DIAPH2: variants seen among roughly 807,000 people sequenced by gnomAD.
DIAPH2 encodes diaphanous related formin 2, also known as protein diaphanous homolog 2.
In DIAPH2, 35 loss-of-function variants were observed where a neutral mutation model predicts 92.7. The ratio of observed to expected loss-of-function variants is 0.38; its 90% CI spans 0.29 to 0.50. The LOEUF is 0.50. Among genes scored for constraint, DIAPH2 ranks in the 20% least tolerant of loss-of-function variants. The pLI is 0.94. For missense variants in DIAPH2, 701 were observed against 819.5 expected (o/e 0.86, Z 1.77); for synonymous variants, 301 against 280.4 (o/e 1.07, Z -0.73).
rs1460315041 is a variant in DIAPH2, at chrX:97,601,854, C to CA, written c.*2538dup. 3.6e-5 allele frequency: 4 copies of CA among 112,374 alleles called. No individual in the cohort carries two copies. In the Admixed American group the frequency reaches 3.8e-4, roughly 11 times the overall value. The allele number at this position is 112,374 out of a possible 1,213,427, so 9.3% of individuals were successfully genotyped here. The stretch of plus-strand genomic sequence containing the variant: ...AAGGGCAGCAAAGCCATGCTCCCTC[C>CA]AGAGGCTCTAGAGGAGAATCTTTCC... On this transcript the variant is annotated 3_prime_UTR_variant, in exon 27 of 27. Transcript: ENST00000324765.
At chrX:97,286,472 G>A (rs997827884) in intron 23 of DIAPH2, among the ~76,000 whole-genome samples, 1 of 111,437 alleles carries the variant, frequency 9.0e-6, no homozygotes. Flanking sequence ...AATGCTAGAG[G>A]GGGCAAGGTA....
intron 26 of DIAPH2, among the ~76,000 whole-genome samples, chrX:97,505,128 A>T (rs1364980895): frequency 8.9e-6 from 1 of 112,254 alleles, no homozygotes; most frequent in African/African-American, 3.2e-5. Flanking sequence ...AAAATTCTCA[A>T]TACTTTGCAA....
At chrX:97,331,942 A>T (rs192084257) in intron 23 of DIAPH2, among the ~76,000 whole-genome samples, 64 of 111,505 alleles carry the variant, frequency 5.7e-4, no homozygotes, top group African/African-American at 2.0e-3. Context: ...TTTCAATGTC[A>T]TTATTTTATT....
chrX:97,358,999 G>A (rs1464365482), intron 24 of DIAPH2, among the ~76,000 whole-genome samples: 4 of 112,102 alleles, frequency 3.6e-5, no homozygotes, highest in African/African-American at 1.3e-4. Flanking sequence ...TCAGTGTATA[G>A]TGCCGTTGGT....
At chrX:97,468,155 C>G (rs777766227) in intron 26 of DIAPH2, among the ~76,000 whole-genome samples, 1 of 112,000 alleles carries the variant, frequency 8.9e-6, no homozygotes, top group African/African-American at 3.2e-5. Flanking sequence ...ATCATATCGT[C>G]CATACAAGAG....
intron 25 of DIAPH2, among the ~76,000 whole-genome samples, chrX:97,388,754 C>A (rs1288756373): frequency 9.0e-6 from 1 of 111,291 alleles, no homozygotes; most frequent in Non-Finnish European, 1.9e-5. Context: ...AGAGTTGAAA[C>A]TGAGATAATT....
intron 24 of DIAPH2, among the ~76,000 whole-genome samples, chrX:97,351,692 A>G (rs1327562996): frequency 9.0e-6 from 1 of 110,563 alleles, no homozygotes; most frequent in Non-Finnish European, 1.9e-5. Context: ...AGTCCCAGCT[A>G]CTCGGGAGGC....
intron 4 of DIAPH2, among the ~76,000 whole-genome samples, chrX:96,848,568 G>A (rs999901018): frequency 1.3e-4 from 14 of 111,034 alleles, no homozygotes; most frequent in Admixed American, 1.1e-3. Flanking sequence ...TTTCCAAGTC[G>A]TTATTTCTAC....
At chrX:97,407,399 A>G (rs955755922) in intron 25 of DIAPH2, among the ~76,000 whole-genome samples, 4 of 108,945 alleles carry the variant, frequency 3.7e-5, no homozygotes, top group Admixed American at 2.0e-4. Flanking sequence ...CACATAGAGG[A>G]AAAAAAAAAC....
intron 26 of DIAPH2, among the ~76,000 whole-genome samples, chrX:97,515,837 A>G (rs2070942650): frequency 9.0e-6 from 1 of 111,332 alleles, no homozygotes; most frequent in Admixed American, 9.5e-5. Context: ...CCAAGGTGAC[A>G]TACTGTTGGT....
intron 1 of DIAPH2, among the ~76,000 whole-genome samples, chrX:96,713,374 A>G (rs2063930682): frequency 9.1e-6 from 1 of 109,996 alleles, no homozygotes; most frequent in Non-Finnish European, 1.9e-5. Flanking sequence ...TGCACAGCAA[A>G]ATCAAGCAGA....
intron 24 of DIAPH2, among the ~76,000 whole-genome samples, chrX:97,383,559 T>G (rs1242275850): frequency 9.3e-6 from 1 of 108,018 alleles, no homozygotes; most frequent in Non-Finnish European, 1.9e-5. Flanking sequence ...TAAAGTATAC[T>G]TATTGTTAAA....
intron 26 of DIAPH2, among the ~76,000 whole-genome samples, chrX:97,456,111 G>A (rs1438199709): frequency 2.7e-5 from 3 of 112,439 alleles, no homozygotes; most frequent in African/African-American, 9.7e-5. Flanking sequence ...CCTCAGGCCG[G>A]GCGCGGTGGC....
chrX:97,389,504 G>C (rs867826126), intron 25 of DIAPH2, among the ~76,000 whole-genome samples: 5 of 103,417 alleles, frequency 4.8e-5, no homozygotes, highest in Non-Finnish European at 9.8e-5. Context: ...ATCCAGTTTT[G>C]TTCTGAGAAT....
intron 26 of DIAPH2, among the ~76,000 whole-genome samples, chrX:97,512,106 C>G (rs2070899423): frequency 1.8e-5 from 2 of 112,784 alleles, no homozygotes; most frequent in East Asian, 2.7e-4. Flanking sequence ...CCTTGTACCT[C>G]TGGTAGAATT....
chrX:97,017,838 T>G (rs2066271046), intron 17 of DIAPH2, among the ~76,000 whole-genome samples: 1 of 111,791 alleles, frequency 8.9e-6, no homozygotes, highest in African/African-American at 3.2e-5. Context: ...CCAAATAAAC[T>G]TAATAGAAGG....
chrX:96,917,071 A>G (rs2065509306), intron 8 of DIAPH2, among the ~76,000 whole-genome samples: 1 of 111,816 alleles, frequency 8.9e-6, no homozygotes, highest in African/African-American at 3.2e-5. Flanking sequence ...TTCAAAGTGT[A>G]TATGTGCCAC....
intron 16 of DIAPH2, among the ~76,000 whole-genome samples, chrX:96,958,415 T>G (rs1029108212): frequency 8.9e-6 from 1 of 112,145 alleles, no homozygotes; most frequent in African/African-American, 3.2e-5. Context: ...CAATTTTGAT[T>G]CTTTTAACAT....
chrX:97,516,054 T>A (rs1361136524), intron 26 of DIAPH2, among the ~76,000 whole-genome samples: 1 of 110,001 alleles, frequency 9.1e-6, no homozygotes, highest in Non-Finnish European at 1.9e-5. Flanking sequence ...GAGTTCGAGA[T>A]CAGCCTGGCC....
Sources: allele counts gnomAD v4.1 joint callset (sites outside exome capture counted in the v4.1 genomes callset), GRCh38; gene constraint gnomAD v4.1.1; transcripts MANE v1.5; gene names NCBI Gene and HGNC (gene_info 2026-07-23, HGNC 2026-07-21).